The following B3GALT1 variants were observed in gnomAD, a reference collection of about 807,000 sequenced individuals.
B3GALT1 encodes the protein UDP-Gal:betaGlcNAc beta 1,3-galactosyltransferase, polypeptide 1.
A neutral mutation model predicts 23.2 loss-of-function variants in B3GALT1; 10 were observed. The observed-to-expected ratio is 0.43, with a 90% confidence interval of 0.27 to 0.73. The LOEUF (loss-of-function observed/expected upper bound fraction) is 0.73, where lower values mean the gene tolerates loss of function less well. B3GALT1 is among the 30% of genes least tolerant of loss of function. B3GALT1 has a pLI of 0.21. For synonymous variants in B3GALT1, 156 were observed against 141.5 expected, an observed-to-expected ratio of 1.10 and a Z score of -0.73; for missense variants, 299 against 405.4, an observed-to-expected ratio of 0.74 and a Z score of 2.25.
rs539437271 is a variant in B3GALT1, at chr2:167,621,017, G to A, written c.-409-25892G>A. Among the ~76,000 whole-genome samples the A allele has an allele frequency of 2.0e-5, 3 of 150,290 alleles. No individual in the cohort carries two copies. In the South Asian group the frequency reaches 6.3e-4, roughly 32 times the overall value. ...TTTCATTTTCATAGTAGAGAGTTTA[G>A]TATATTAAAATACTTAATGCTAGCT... On this transcript the variant is annotated intron_variant, in intron 2 of 4. Coordinates refer to ENST00000392690, the MANE Select transcript of B3GALT1 (RefSeq NM_020981.4).
At chr2:167,828,850 G>A (rs1689284173) in intron 4 of B3GALT1, among the ~76,000 whole-genome samples, 2 of 152,172 alleles carry the variant, frequency 1.3e-5, no homozygotes, top group African/African-American at 4.8e-5. Context: ...TAATATGTGT[G>A]TGGGACTGAA....
intron 1 of B3GALT1, among the ~76,000 whole-genome samples, chr2:167,423,307 T>C (rs1030616926): frequency 6.6e-6 from 1 of 152,160 alleles, no homozygotes; most frequent in South Asian, 2.1e-4. Context: ...AATTTTCAGC[T>C]GGATGAGTCA....
intron 3 of B3GALT1, among the ~76,000 whole-genome samples, chr2:167,817,940 C>G (rs1689027703): frequency 1.3e-5 from 2 of 152,190 alleles, no homozygotes; most frequent in Admixed American, 1.3e-4. Context: ...ATAAGTGACA[C>G]TAAAAGGTCT....
At chr2:167,323,452 T>C (rs1266458520) in intron 1 of B3GALT1, among the ~76,000 whole-genome samples, 1 of 139,334 alleles carries the variant, frequency 7.2e-6, no homozygotes, top group Non-Finnish European at 1.6e-5. Flanking sequence ...AAATGAATGA[T>C]TATCTTTTTG....
At chr2:167,749,435 T>C (rs552615834) in intron 3 of B3GALT1, among the ~76,000 whole-genome samples, 1 of 152,310 alleles carries the variant, frequency 6.6e-6, no homozygotes, top group Admixed American at 6.5e-5. Flanking sequence ...CCAACTGACT[T>C]CCTGAGAAAT....
chr2:167,810,865 T>G (rs1688874691), intron 3 of B3GALT1, among the ~76,000 whole-genome samples: 1 of 152,214 alleles, frequency 6.6e-6, no homozygotes, highest in Non-Finnish European at 1.5e-5. Flanking sequence ...AATGTACAGC[T>G]TCCTCCTGAG....
At chr2:167,301,362 A>G (rs138099272) in intron 1 of B3GALT1, among the ~76,000 whole-genome samples, 141 of 152,308 alleles carry the variant, frequency 9.3e-4, no homozygotes, top group African/African-American at 3.1e-3. Context: ...CTTTCTGGGT[A>G]CCATCACTGA....
intron 3 of B3GALT1, among the ~76,000 whole-genome samples, chr2:167,816,968 T>G (rs1689005533): frequency 6.6e-6 from 1 of 152,222 alleles, no homozygotes; most frequent in African/African-American, 2.4e-5. Context: ...TTCCCAAGTG[T>G]TGCAATACTT....
chr2:167,567,552 T>G (rs1183275951), intron 2 of B3GALT1, among the ~76,000 whole-genome samples: 2 of 152,162 alleles, frequency 1.3e-5, no homozygotes, highest in Non-Finnish European at 2.9e-5. Context: ...TATTGTGGTG[T>G]TCTTTGTTTT....
intron 2 of B3GALT1, among the ~76,000 whole-genome samples, chr2:167,620,956 T>C (rs1234556010): frequency 6.6e-6 from 1 of 152,008 alleles, no homozygotes; most frequent in Non-Finnish European, 1.5e-5. Context: ...AAAAAGATAT[T>C]CCCCTCCCAC....
intron 2 of B3GALT1, among the ~76,000 whole-genome samples, chr2:167,604,153 G>C (rs1429228779): frequency 6.6e-6 from 1 of 152,064 alleles, no homozygotes; most frequent in African/African-American, 2.4e-5. Flanking sequence ...TACACAATAA[G>C]TATTCTGTTC....
At chr2:167,665,791 C>T (rs1284146712) in intron 3 of B3GALT1, among the ~76,000 whole-genome samples, 11 of 152,010 alleles carry the variant, frequency 7.2e-5, no homozygotes, top group African/African-American at 1.2e-4. Context: ...TTTGTATTTC[C>T]GTGGGATCGG....
At position 167,636,571 on chromosome 2, in the gene B3GALT1, G is replaced by T. The variant is rs10187910; in HGVS notation, c.-409-10338G>T. 7.7e-4 allele frequency among the ~76,000 whole-genome samples: 117 copies of T among 152,074 alleles called. 1 individual carries two copies. The highest frequency in any genetic ancestry group is 2.6e-3 in the African/African-American group (107 of 41,490). ...TGCAGCACTACTCACAATAGCAAAG[G>T]CTTGGAACCAACCCAAATGCCCATC... is the stretch of plus-strand genomic sequence containing the variant. On this transcript the variant is annotated intron_variant, in intron 2 of 4. Transcript: ENST00000392690.
chr2:167,391,851 T>C (rs1019909651), intron 1 of B3GALT1, among the ~76,000 whole-genome samples: 1 of 152,194 alleles, frequency 6.6e-6, no homozygotes, highest in Non-Finnish European at 1.5e-5. Flanking sequence ...AAGCCAAGCC[T>C]AGGACAATAA....
At chr2:167,340,488 A>C (rs115519589) in intron 1 of B3GALT1, among the ~76,000 whole-genome samples, 2 of 152,122 alleles carry the variant, frequency 1.3e-5, no homozygotes, top group Admixed American at 1.3e-4. Context: ...AGGACCAAAA[A>C]AATAGTTAAA....
At chr2:167,617,875 C>T (rs967640035) in intron 2 of B3GALT1, among the ~76,000 whole-genome samples, 3 of 152,010 alleles carry the variant, frequency 2.0e-5, no homozygotes, top group African/African-American at 4.8e-5. Context: ...CATGGTTTTG[C>T]CTTTAGCATA....
rs141178441 is a variant in B3GALT1 at position 167,528,303 on chromosome 2, A to G, written c.-410+38026A>G. On this transcript the variant is annotated intron_variant, in intron 2 of 4. Coordinates refer to ENST00000392690, the MANE Select transcript of B3GALT1 (RefSeq NM_020981.4). ...CCATGTCAGAGACTTTGCATTTTGT[A>G]TTTCTTCTACCTAGAGACTCTGCCC... Among the ~76,000 whole-genome samples, 350 of 152,192 alleles carry G rather than the reference A, an allele frequency of 2.3e-3. 3 individuals are homozygous for G. Among genetic ancestry groups the G allele is most frequent in the African/African-American group, 8.0e-3 (334 of 41,534 alleles).
chr2:167,829,706 C>T (rs1345824514), intron 4 of B3GALT1, among the ~76,000 whole-genome samples: 1 of 152,144 alleles, frequency 6.6e-6, no homozygotes, highest in Admixed American at 6.5e-5. Flanking sequence ...TCTCCACTGG[C>T]ATCATCTCTA....
At chr2:167,553,809 A>G (rs970771343) in intron 2 of B3GALT1, among the ~76,000 whole-genome samples, 1 of 152,218 alleles carries the variant, frequency 6.6e-6, no homozygotes, top group African/African-American at 2.4e-5. Context: ...CATTTTTCCT[A>G]AACACTTAAG....
Sources: allele counts gnomAD v4.1 joint callset (sites outside exome capture counted in the v4.1 genomes callset), GRCh38; gene constraint gnomAD v4.1.1; transcripts MANE v1.5; gene names NCBI Gene and HGNC (gene_info 2026-07-23, HGNC 2026-07-21).